Variants in STARD3NL observed in about 807,000 individuals in gnomAD.
The protein encoded by STARD3NL is STARD3 N-terminal-like protein.
In STARD3NL, 17 loss-of-function variants were observed where a neutral mutation model predicts 30.9. The observed-to-expected ratio is 0.55, with a 90% CI of 0.38 to 0.82. The LOEUF is 0.82. Among genes scored for constraint, STARD3NL ranks in the 40% least tolerant of loss-of-function variants. The probability of loss-of-function intolerance (pLI) is 0.00; values close to 1 mark genes in which losing one functional copy is unlikely to be tolerated. For missense variants in STARD3NL, 234 were observed against 277.6 expected, an observed-to-expected ratio of 0.84 and a Z score of 1.12; for synonymous variants, 112 against 100.5, an observed-to-expected ratio of 1.11 and a Z score of -0.69.
At chr7:38,213,251 T>G (rs190101063) in intron 2 of STARD3NL, among the ~76,000 whole-genome samples, 1 of 152,338 alleles carries the variant, frequency 6.6e-6, no homozygotes, top group Non-Finnish European at 1.5e-5. Flanking sequence ...TCATTATTCC[T>G]CCTTCCTCCC....
intron 7 of STARD3NL, among the ~76,000 whole-genome samples, chr7:38,226,161 T>TTTTG (rs1786753801): frequency 6.7e-6 from 1 of 148,362 alleles, no homozygotes; most frequent in African/African-American, 2.5e-5. Flanking sequence ...TGTTTTTTTT[T>TTTTG]TTTTTTTTTT....
Position 38,193,234 on chromosome 7 carries a change from G to A in STARD3NL, c.-58-14213G>A, listed in dbSNP as rs1029898170. ...GCATGCTTTTGAAATGCAGTGAAAC[G>A]TTTTAATGAGTAAACAGAAATGTCT... On this transcript the variant is annotated intron_variant, in intron 1 of 8. Transcript: ENST00000009041. 3.3e-5 allele frequency among the ~76,000 whole-genome samples: 5 copies of A among 152,268 alleles called. No homozygotes were observed. In the South Asian group the frequency reaches 6.2e-4, roughly 19 times the overall value.
intron 4 of STARD3NL, 110 bp downstream of exon 4, chr7:38,215,215 C>G: frequency 1.0e-6 from 1 of 1,004,886 alleles, no homozygotes; most frequent in Non-Finnish European, 1.5e-6. Flanking sequence ...GGTGGAATCC[C>G]ACCAGCTTTC....
In STARD3NL at chr7:38,219,599, A is replaced by G. The variant is rs750219611; in HGVS notation, c.588A>G (p.Ala196=). ...TAGTTCAGGATGCTTCAGAGAGGGC[A>G]GCACTTATACCTGGTGGTCTTTCTG... ...LLIVQDASER[A]ALIPGGLSDG... Residue 196 remains alanine, a synonymous_variant, in exon 7 of 9, where the codon GCA becomes GCG. Coordinates refer to ENST00000009041, the MANE Select transcript of STARD3NL (RefSeq NM_032016.4). 1.9e-6 allele frequency: 3 copies of G among 1,612,902 alleles called. No homozygotes were observed. The highest frequency in any genetic ancestry group is 1.1e-5 in the South Asian group (1 of 91,016).
At chr7:38,218,501 A>G (rs1786254088) in intron 6 of STARD3NL, among the ~76,000 whole-genome samples, 1 of 152,242 alleles carries the variant, frequency 6.6e-6, no homozygotes, top group African/African-American at 2.4e-5. Flanking sequence ...TAAATATAAA[A>G]CTGAACTTTG....
chr7:38,216,460 TGTGTGTGTGTGTGTGTGTGTGTGA>T (rs1786118430), intron 4 of STARD3NL: 1 of 88,288 alleles, frequency 1.1e-5, no homozygotes, highest in Admixed American at 1.2e-4. Flanking sequence ...AGCAGCTCTG[TGTGTGTGTGTGTGTGTGTGTGTGA>T]GTGTGTGTGT....
intron 8 of STARD3NL, among the ~76,000 whole-genome samples, chr7:38,229,722 C>G (rs1341333964): frequency 6.6e-6 from 1 of 152,176 alleles, no homozygotes; most frequent in Non-Finnish European, 1.5e-5. Context: ...AGACGCGAAG[C>G]AAAAATGTGG....
intron 1 of STARD3NL, among the ~76,000 whole-genome samples, chr7:38,203,969 A>T (rs536522559): frequency 3.3e-5 from 5 of 152,362 alleles, no homozygotes; most frequent in East Asian, 3.9e-4. Context: ...GAGCACCCAG[A>T]TTCATAAACA....
At chr7:38,225,191 T>G (rs1310245558) in intron 7 of STARD3NL, among the ~76,000 whole-genome samples, 4 of 152,120 alleles carry the variant, frequency 2.6e-5, no homozygotes, top group African/African-American at 9.6e-5. Flanking sequence ...TATTTTTAAT[T>G]GTGTTTTCTT....
chr7:38,180,811 T>G (rs1784215118), intron 1 of STARD3NL, among the ~76,000 whole-genome samples: 1 of 152,182 alleles, frequency 6.6e-6, no homozygotes, highest in African/African-American at 2.4e-5. Flanking sequence ...CCCTCTTAGT[T>G]TAGAGCTAGG....
intron 1 of STARD3NL, among the ~76,000 whole-genome samples, chr7:38,194,736 G>A (rs746553933): frequency 1.3e-4 from 20 of 151,894 alleles, no homozygotes; most frequent in Non-Finnish European, 2.2e-4. Context: ...CTTATTGCAA[G>A]ATTTATTACG....
chr7:38,196,302 C>A (rs933560360), intron 1 of STARD3NL, among the ~76,000 whole-genome samples: 1 of 152,150 alleles, frequency 6.6e-6, no homozygotes, highest in Non-Finnish European at 1.5e-5. Flanking sequence ...GCTGACCCAT[C>A]CTCTTTCTGA....
At chr7:38,204,922 C>G (rs1785373436) in intron 1 of STARD3NL, among the ~76,000 whole-genome samples, 1 of 152,080 alleles carries the variant, frequency 6.6e-6, no homozygotes, top group Non-Finnish European at 1.5e-5. Context: ...TACACCCTCC[C>G]AAGACTAAAC....
At chr7:38,206,111 G>A (rs1785456795) in intron 1 of STARD3NL, among the ~76,000 whole-genome samples, 1 of 152,178 alleles carries the variant, frequency 6.6e-6, no homozygotes, top group African/African-American at 2.4e-5. Flanking sequence ...GTAAAGAGAC[G>A]AAGTTCTGGA....
At chr7:38,178,751 C>T (rs1426454851) in intron 1 of STARD3NL, among the ~76,000 whole-genome samples, 1 of 152,042 alleles carries the variant, frequency 6.6e-6, no homozygotes, top group Non-Finnish European at 1.5e-5. Flanking sequence ...CGGCCCCGGG[C>T]TGGCGCCATG....
In STARD3NL at chr7:38,219,593, G is replaced by A. The variant is rs376265781; in HGVS notation, c.582G>A (p.Glu194=). The A allele has an allele frequency of 2.5e-6, 4 of 1,610,820 alleles. No individual in the cohort carries two copies. The highest frequency in any genetic ancestry group is 2.5e-6 in the Non-Finnish European group (3 of 1,177,730). ...TCCTGATAGTTCAGGATGCTTCAGAGAGGGCAGCACTTATACCTGGTGGTC... is the reference window on the plus strand; with the variant it reads ...TCCTGATAGTTCAGGATGCTTCAGAAAGGGCAGCACTTATACCTGGTGGTC... ...NRLLIVQDAS[E]RAALIPGGLS... Residue 194 remains glutamate, a synonymous_variant, in exon 7 of 9, where the codon GAG becomes GAA. Coordinates refer to ENST00000009041, the MANE Select transcript of STARD3NL (RefSeq NM_032016.4).
At chr7:38,216,180 ATGTT>A (rs1786100620) in intron 4 of STARD3NL, 1 of 152,098 alleles carries the variant, frequency 6.6e-6, no homozygotes, top group Non-Finnish European at 1.5e-5. Flanking sequence ...ATCCCTCTCA[ATGTT>A]TGTTTTAGAA....
At chr7:38,197,503 A>G (rs1323049152) in intron 1 of STARD3NL, among the ~76,000 whole-genome samples, 2 of 152,056 alleles carry the variant, frequency 1.3e-5, no homozygotes, top group Non-Finnish European at 2.9e-5. Flanking sequence ...GTGCCCAGCC[A>G]CTTGTTTCTT....
At chr7:38,190,081 C>T (rs1784620653) in intron 1 of STARD3NL, among the ~76,000 whole-genome samples, 1 of 152,078 alleles carries the variant, frequency 6.6e-6, no homozygotes, top group African/African-American at 2.4e-5. Flanking sequence ...ATTTCAAGCC[C>T]CCCCAGGGGA....
Sources: gnomAD v4.1 joint callset for allele counts (sites outside exome capture counted in the v4.1 genomes callset) on GRCh38, gnomAD v4.1.1 for gene constraint, MANE v1.5 for transcripts, NCBI Gene and HGNC (gene_info 2026-07-23, HGNC 2026-07-21) for gene names.